ANKRD6: variants seen among roughly 807,000 people sequenced by gnomAD.
ANKRD6 encodes ankyrin repeat domain 6.
In ANKRD6, 56 loss-of-function variants were observed where a neutral mutation model predicts 82.3. That is an observed-to-expected ratio of 0.68 (90% CI 0.55 to 0.85). ANKRD6 has a LOEUF of 0.85. ANKRD6 is among the 40% of genes least tolerant of loss of function. The probability of loss-of-function intolerance (pLI) is 0.00; values close to 1 mark genes in which losing one functional copy is unlikely to be tolerated. For missense variants in ANKRD6, 852 were observed against 907.6 expected (o/e 0.94, Z 0.79); for synonymous variants, 347 against 352.1 (o/e 0.99, Z 0.16).
intron 1 of ANKRD6, among the ~76,000 whole-genome samples, chr6:89,531,345 C>T (rs1783119855): frequency 6.6e-6 from 1 of 152,250 alleles, no homozygotes; most frequent in Admixed American, 6.5e-5. Flanking sequence ...ATCCCTGTTA[C>T]TAGCAAGTAC....
chr6:89,615,396 G>T (rs1342883709), intron 7 of ANKRD6, among the ~76,000 whole-genome samples: 2 of 152,252 alleles, frequency 1.3e-5, no homozygotes, highest in East Asian at 1.9e-4. Context: ...TCCCCAGTGG[G>T]GTGCTAGATC....
At chr6:89,555,555 A>T (rs576309790) in intron 1 of ANKRD6, among the ~76,000 whole-genome samples, 35 of 152,080 alleles carry the variant, frequency 2.3e-4, no homozygotes, top group Non-Finnish European at 4.0e-4. Flanking sequence ...TTGGAAGAGT[A>T]TTAGGAGAAC....
intron 1 of ANKRD6, among the ~76,000 whole-genome samples, chr6:89,477,625 G>T (rs189476554): frequency 6.6e-6 from 1 of 151,856 alleles, no homozygotes; most frequent in Non-Finnish European, 1.5e-5. Flanking sequence ...CAAAAAATTA[G>T]CCAGGCGTGG....
At chr6:89,521,158 C>T (rs1781838981) in intron 1 of ANKRD6, among the ~76,000 whole-genome samples, 1 of 152,090 alleles carries the variant, frequency 6.6e-6, no homozygotes, top group South Asian at 2.1e-4. Flanking sequence ...GAGTATCTAC[C>T]ATGTGTCAAC....
At chr6:89,474,313 A>G (rs1775808655) in intron 1 of ANKRD6, among the ~76,000 whole-genome samples, 1 of 152,162 alleles carries the variant, frequency 6.6e-6, no homozygotes, top group Non-Finnish European at 1.5e-5. Context: ...CTTTTTTCCC[A>G]CATCTCTGTA....
At chr6:89,474,170 C>T (rs551199596) in intron 1 of ANKRD6, among the ~76,000 whole-genome samples, 12 of 152,244 alleles carry the variant, frequency 7.9e-5, no homozygotes, top group African/African-American at 2.9e-4. Flanking sequence ...TTCAGTGACA[C>T]CCTCCCAGGA....
chr6:89,474,563 G>A (rs763676188), intron 1 of ANKRD6, among the ~76,000 whole-genome samples: 8 of 152,054 alleles, frequency 5.3e-5, no homozygotes, highest in Non-Finnish European at 7.4e-5. Context: ...GACTACAGGC[G>A]CCTGCCACCA....
At chr6:89,530,997 A>G (rs1783073719) in intron 1 of ANKRD6, among the ~76,000 whole-genome samples, 2 of 152,248 alleles carry the variant, frequency 1.3e-5, no homozygotes, top group Non-Finnish European at 2.9e-5. Context: ...ATACGCATAA[A>G]GTGTAATCAT....
At chr6:89,455,948 A>G (rs775060103) in intron 1 of ANKRD6, among the ~76,000 whole-genome samples, 7 of 151,332 alleles carry the variant, frequency 4.6e-5, no homozygotes, top group African/African-American at 1.7e-4. Flanking sequence ...ATCTTGGCTC[A>G]CTGCAACCTC....
At chr6:89,527,392 G>C (rs575220852) in intron 1 of ANKRD6, among the ~76,000 whole-genome samples, 1 of 151,812 alleles carries the variant, frequency 6.6e-6, no homozygotes, top group Non-Finnish European at 1.5e-5. Context: ...ACAGGAATTC[G>C]AGACCAGCCT....
chr6:89,450,783 T>G lies in ANKRD6; in HGVS notation c.-144+17408T>G, dbSNP rs182825997. On this transcript the variant is annotated intron_variant, in intron 1 of 15. Coordinates refer to ENST00000339746, the MANE Select transcript of ANKRD6 (RefSeq NM_001242809.2). ...CCCAGAGTGCTGGGGGTTACAGGCGTGAGCCACTGCACCTGGCCAATAAAG... is the reference window on the plus strand; with the variant it reads ...CCCAGAGTGCTGGGGGTTACAGGCGGGAGCCACTGCACCTGGCCAATAAAG... Among the ~76,000 whole-genome samples the G allele has an allele frequency of 1.9e-3, 290 of 152,144 alleles. 1 individual carries two copies. The highest frequency in any genetic ancestry group is 6.9e-3 in the African/African-American group (286 of 41,518).
At chr6:89,535,879 A>G (rs1783760897) in intron 1 of ANKRD6, among the ~76,000 whole-genome samples, 1 of 152,192 alleles carries the variant, frequency 6.6e-6, no homozygotes, top group South Asian at 2.1e-4. Context: ...CACTTTCCTC[A>G]TCTGAAATGT....
chr6:89,557,816 C>A (rs1413693548), intron 1 of ANKRD6, among the ~76,000 whole-genome samples: 1 of 151,988 alleles, frequency 6.6e-6, no homozygotes, highest in African/African-American at 2.4e-5. Flanking sequence ...GAGTGTGAAC[C>A]CTACTGTGAA....
chr6:89,502,699 G>C (rs1311160846), intron 1 of ANKRD6, among the ~76,000 whole-genome samples: 2 of 152,092 alleles, frequency 1.3e-5, no homozygotes, highest in Non-Finnish European at 2.9e-5. Flanking sequence ...TGAGCTTTTG[G>C]CTATTGTCAA....
rs1216085201 is a variant in ANKRD6 at position 89,480,959 on chromosome 6, A to AAT, written c.-144+47585_-144+47586insTA. On this transcript the variant is annotated intron_variant, in intron 1 of 15. Coordinates refer to ENST00000339746, the MANE Select transcript of ANKRD6 (RefSeq NM_001242809.2). ...CCTGTCTCAAAAAAAAAAAAAATAG[A>AAT]AGAAGAAGAAGAAGCAAAGTTATAT... Among the ~76,000 whole-genome samples, 1,080 of 148,800 alleles carry AAT rather than the reference A, an allele frequency of 7.3e-3. 14 individuals are homozygous for AAT. The highest frequency in any genetic ancestry group is 0.024 in the African/African-American group (977 of 40,542).
At chr6:89,567,486 C>T (rs1475428193) in intron 2 of ANKRD6, among the ~76,000 whole-genome samples, 1 of 152,060 alleles carries the variant, frequency 6.6e-6, no homozygotes, top group Non-Finnish European at 1.5e-5. Context: ...TCATTGTCCC[C>T]GTCTGTATGA....
intron 2 of ANKRD6, among the ~76,000 whole-genome samples, chr6:89,580,709 G>A (rs1003338601): frequency 2.6e-5 from 4 of 152,176 alleles, no homozygotes; most frequent in Admixed American, 2.6e-4. Context: ...GGAAACGAAG[G>A]ATCTTTTGTG....
intron 3 of ANKRD6, among the ~76,000 whole-genome samples, chr6:89,596,238 T>A (rs1795862049): frequency 6.6e-6 from 1 of 152,100 alleles, no homozygotes; most frequent in Admixed American, 6.5e-5. Flanking sequence ...TGGTTCTCCA[T>A]CATGGTTCAC....
intron 1 of ANKRD6, among the ~76,000 whole-genome samples, chr6:89,439,160 T>C (rs1771032935): frequency 6.6e-6 from 1 of 152,186 alleles, no homozygotes; most frequent in Non-Finnish European, 1.5e-5. Context: ...ATGAAGCATA[T>C]TTAATTTACT....
Sources: allele counts gnomAD v4.1 joint callset (sites outside exome capture counted in the v4.1 genomes callset), GRCh38; gene constraint gnomAD v4.1.1; transcripts MANE v1.5; gene names NCBI Gene and HGNC (gene_info 2026-07-23, HGNC 2026-07-21).